CEP162: variants seen among roughly 807,000 people sequenced by gnomAD.
CEP162 encodes centrosomal protein of 162 kDa.
In CEP162, 141 loss-of-function variants were observed where a neutral mutation model predicts 169.2. That is an observed-to-expected ratio of 0.83 (90% CI 0.73 to 0.96). CEP162 has a LOEUF of 0.96. CEP162 is among the 40% of genes least tolerant of loss of function. The pLI, the probability that CEP162 is intolerant of heterozygous loss-of-function variation, is 0.00. For missense variants in CEP162, 1,600 were observed against 1,587.2 expected, an observed-to-expected ratio of 1.01 and a Z score of -0.14; for synonymous variants, 540 against 526.4, an observed-to-expected ratio of 1.03 and a Z score of -0.35.
rs779413417 is a variant in CEP162 at position 84,215,339 on chromosome 6, G to A, written c.446C>T (p.Ser149Leu). The change falls in exon 5 of 27, where the codon TCG (serine) becomes TTG (leucine). Residue 149 changes from serine (S) to leucine (L), a missense_variant. Transcript: ENST00000403245. Reference sequence around the variant, plus strand: ...AGAATCCAATTCCTTATTTAATCTCGAATAATCAATGGAAGATGTCAAGCC... The same window carrying A: ...AGAATCCAATTCCTTATTTAATCTCAAATAATCAATGGAAGATGTCAAGCC... ...EKGLTSSIDY[S>L]RLNKELDSND... 28 of 1,602,220 alleles carry A rather than the reference G, an allele frequency of 1.7e-5. No individual in the cohort carries two copies. Among genetic ancestry groups the A allele is most frequent in the South Asian group, 4.5e-5 (4 of 89,272 alleles).
At chr6:84,223,563 CA>C (rs1208847954) in intron 2 of CEP162, among the ~76,000 whole-genome samples, 4 of 150,420 alleles carry the variant, frequency 2.7e-5, no homozygotes, top group Non-Finnish European at 5.9e-5. Context: ...AATAAAACAA[CA>C]AAAAGGCTGA....
rs758036609 is a variant in CEP162, at chr6:84,185,280, T to C, written c.1570A>G (p.Met524Val). The part of the protein sequence containing the change: ...GYGKPSSPLK[M>V]FSTLEKKTSE... ...GTTTTCTTTTCAAGAGTAGAAAACA[T>C]CTTGAGTGGTGAACTGGGTTTGCCA... Residue 524 changes from methionine (M) to valine (V), a missense_variant, in exon 13 of 27, where the codon ATG (methionine) becomes GTG (valine). Met to Val is a conservative substitution (Grantham distance 21). Transcript: ENST00000403245. The C allele has an allele frequency of 9.9e-6, 16 of 1,613,736 alleles. No homozygotes were observed. The South Asian group carries it at 1.8e-4, about 18-fold the overall frequency.
chr6:84,202,658 G>C (rs995085596), intron 7 of CEP162, among the ~76,000 whole-genome samples: 24 of 151,182 alleles, frequency 1.6e-4, no homozygotes, highest in African/African-American at 5.8e-4. Flanking sequence ...CTCCCGAGCA[G>C]CTGGGACTAC....
intron 21 of CEP162, among the ~76,000 whole-genome samples, chr6:84,158,469 C>G (rs1486213513): frequency 1.3e-5 from 2 of 152,150 alleles, no homozygotes; most frequent in Non-Finnish European, 2.9e-5. Context: ...AGATGGTTTG[C>G]TGGTGCTCAA....
intron 3 of CEP162, chr6:84,219,138 G>A: frequency 7.8e-7 from 1 of 1,277,922 alleles, no homozygotes; most frequent in Non-Finnish European, 1.0e-6. Context: ...CTCTTCTCAA[G>A]AGGAGTGTTG....
intron 21 of CEP162, among the ~76,000 whole-genome samples, chr6:84,159,195 T>C (rs1000912316): frequency 2.4e-4 from 37 of 151,536 alleles, no homozygotes; most frequent in African/African-American, 8.7e-4. Context: ...ATAAATACAA[T>C]CTGAAATGTA....
chr6:84,155,638 G>C, intron 21 of CEP162, 128 bp from the exon 22 acceptor site: 1 of 647,466 alleles, frequency 1.5e-6, no homozygotes, highest in South Asian at 2.0e-5. Flanking sequence ...CAATCTTGCT[G>C]AGGACCAAAT....
intron 13 of CEP162, among the ~76,000 whole-genome samples, chr6:84,184,861 AT>A: frequency 6.6e-6 from 1 of 151,770 alleles, no homozygotes; most frequent in Non-Finnish European, 1.5e-5. Context: ...CAAAACTATC[AT>A]TTCAAAAATT....
At chr6:84,164,368 T>C (rs2099526935) in intron 18 of CEP162, among the ~76,000 whole-genome samples, 1 of 152,204 alleles carries the variant, frequency 6.6e-6, no homozygotes, top group African/African-American at 2.4e-5. Context: ...CAAAGGATTA[T>C]AAATCATTCT....
chr6:84,174,687 T>TAA (rs769273264), intron 15 of CEP162, 40 bp downstream of exon 15: 1 of 958,628 alleles, frequency 1.0e-6, no homozygotes, highest in African/African-American at 1.7e-5. Flanking sequence ...TTTTTTTTTT[T>TAA]AATAAATATA....
At chr6:84,164,872 AAAAC>A (rs2099527202) in intron 18 of CEP162, among the ~76,000 whole-genome samples, 1 of 152,056 alleles carries the variant, frequency 6.6e-6, no homozygotes, top group South Asian at 2.1e-4. Context: ...TAAACAAAAC[AAAAC>A]AAACAAAAAA....
At chr6:84,169,483 C>T (rs1011872781) in intron 17 of CEP162, 50 bp from the exon 18 acceptor site, 4 of 1,037,220 alleles carry the variant, frequency 3.9e-6, no homozygotes, top group Non-Finnish European at 5.6e-6. Flanking sequence ...ACCAGGTGCT[C>T]CTTTCAGTAG....
chr6:84,216,086 G>T, intron 3 of CEP162, 164 bp from the exon 4 acceptor site: 2 of 835,238 alleles, frequency 2.4e-6, no homozygotes, highest in South Asian at 2.6e-5. Flanking sequence ...ACAAAAGAAA[G>T]ATTATAATTC....
Position 84,192,039 on chromosome 6 carries a change from G to GAT in CEP162, c.1109+1568_1109+1569dup, listed in dbSNP as rs2099540155. On this transcript the variant is annotated intron_variant, in intron 11 of 26. Transcript: ENST00000403245. ...CATAACAATCTTAAAACTATGTGTT[G>GAT]ATGACAAGCAGCCTGGGTTCCTAAA... 2.6e-5 allele frequency among the ~76,000 whole-genome samples: 4 copies of GAT among 152,118 alleles called. No individual in the cohort carries two copies. The South Asian group carries it at 8.3e-4, about 31-fold the overall frequency.
At chr6:84,151,462 T>TA (rs1439080491) in intron 23 of CEP162, among the ~76,000 whole-genome samples, 5 of 151,480 alleles carry the variant, frequency 3.3e-5, no homozygotes, top group Admixed American at 1.3e-4. Context: ...AATTTACAGG[T>TA]AAAAAAAGGA....
chr6:84,133,611 G>T (rs1205166492), intron 25 of CEP162, among the ~76,000 whole-genome samples: 1 of 152,248 alleles, frequency 6.6e-6, no homozygotes, highest in African/African-American at 2.4e-5. Flanking sequence ...GTTCAATCTC[G>T]GACTGCTGTG....
intron 13 of CEP162, among the ~76,000 whole-genome samples, chr6:84,182,981 C>T (rs975693489): frequency 6.6e-6 from 1 of 152,006 alleles, no homozygotes; most frequent in African/African-American, 2.4e-5. Context: ...AACCACTATC[C>T]CAAAGGAATT....
chr6:84,204,798 T>A (rs2099546062), intron 6 of CEP162, among the ~76,000 whole-genome samples: 2 of 152,144 alleles, frequency 1.3e-5, no homozygotes, highest in African/African-American at 2.4e-5. Context: ...GAGCTGGTTT[T>A]TTGAAAAGAT....
At chr6:84,210,525 C>T (rs1317163520) in intron 6 of CEP162, among the ~76,000 whole-genome samples, 1 of 151,972 alleles carries the variant, frequency 6.6e-6, no homozygotes, top group Non-Finnish European at 1.5e-5. Flanking sequence ...TGAGCAGGGG[C>T]GGGGAGATTG....
Sources: allele counts gnomAD v4.1 joint callset (sites outside exome capture counted in the v4.1 genomes callset), GRCh38; gene constraint gnomAD v4.1.1; transcripts MANE v1.5; gene names NCBI Gene and HGNC (gene_info 2026-07-23, HGNC 2026-07-21).